KLHL2: variants seen among roughly 807,000 people sequenced by gnomAD.
KLHL2 encodes the protein kelch like family member 2.
Under a neutral mutation model 75.8 loss-of-function variants are expected in KLHL2, and 15 were observed. That is an observed-to-expected ratio of 0.20 (90% CI 0.13 to 0.30). KLHL2 has a LOEUF of 0.30. Ranked by LOEUF, KLHL2 falls within the 10% of genes least tolerant of loss-of-function variation. The pLI is 1.00. For missense variants in KLHL2, 381 were observed against 741.0 expected (o/e 0.51, Z 5.64); for synonymous variants, 214 against 251.9 (o/e 0.85, Z 1.42).
intron 5 of KLHL2, 137 bp from the exon 6 acceptor site, chr4:165,294,218 TGTTA>T (rs1744735583): frequency 3.5e-6 from 2 of 568,636 alleles, no homozygotes; most frequent in Non-Finnish European, 6.3e-6. Context: ...GGGTTTGTCT[TGTTA>T]GTTCTTGCCT....
At chr4:165,208,747 T>C (rs375554095) in intron 1 of KLHL2, among the ~76,000 whole-genome samples, 4 of 152,310 alleles carry the variant, frequency 2.6e-5, no homozygotes, top group Admixed American at 6.5e-5. Flanking sequence ...TGGTTCCCTC[T>C]TCTCTTAGGA....
At chr4:165,212,532 T>C (rs1028612430) in intron 1 of KLHL2, among the ~76,000 whole-genome samples, 17 of 152,236 alleles carry the variant, frequency 1.1e-4, no homozygotes, top group Admixed American at 2.0e-4. Context: ...AGTTCCATTC[T>C]CTGATTTTAC....
chr4:165,309,608 G>A (rs1745995822), intron 9 of KLHL2, among the ~76,000 whole-genome samples: 1 of 152,152 alleles, frequency 6.6e-6, no homozygotes, highest in Non-Finnish European at 1.5e-5. Flanking sequence ...ATGAATGAGT[G>A]TGGCAGTGTT....
chr4:165,208,915 C>G (rs1296107841), intron 1 of KLHL2, among the ~76,000 whole-genome samples: 1 of 152,158 alleles, frequency 6.6e-6, no homozygotes, highest in Non-Finnish European at 1.5e-5. Context: ...GCACCAGTCT[C>G]TTGTGGTTAT....
intron 4 of KLHL2, among the ~76,000 whole-genome samples, chr4:165,258,779 G>C (rs979203940): frequency 1.3e-5 from 2 of 152,160 alleles, no homozygotes; most frequent in African/African-American, 4.8e-5. Flanking sequence ...GATAGCTCCA[G>C]ATTAAAGCAC....
intron 5 of KLHL2, among the ~76,000 whole-genome samples, chr4:165,286,256 G>C (rs1744085112): frequency 1.3e-5 from 2 of 152,120 alleles, no homozygotes; most frequent in South Asian, 4.1e-4. Flanking sequence ...TGGTTTCATG[G>C]TGTATGGGTG....
chr4:165,239,264 C>CTTTTTTTTTTTTTTTTTGT (rs1739614268), intron 4 of KLHL2, among the ~76,000 whole-genome samples: 1 of 134,852 alleles, frequency 7.4e-6, no homozygotes, highest in Non-Finnish European at 1.6e-5. Context: ...TTATTTCTGT[C>CTTTTTTTTTTTTTTTTTGT]TTTTTTTTTT....
At chr4:165,293,233 G>A (rs1195645933) in intron 5 of KLHL2, among the ~76,000 whole-genome samples, 1 of 152,130 alleles carries the variant, frequency 6.6e-6, no homozygotes, top group Non-Finnish European at 1.5e-5. Flanking sequence ...TCCCCCCTTG[G>A]ATGGAGGACG....
chr4:165,310,614 T>A lies in KLHL2; in HGVS notation c.1101T>A (p.Val367=). 1 of 1,614,146 alleles carries A rather than the reference T, an allele frequency of 6.2e-7. No individual in the cohort carries two copies. The highest frequency in any genetic ancestry group is 2.2e-5 in the East Asian group (1 of 44,880). Residue 367 remains valine, a synonymous_variant, in exon 10 of 15, where the codon GTT becomes GTA. Transcript: ENST00000226725. ...GTGGCTTTAATGGCTCATTAAGAGT[T>A]CGCACTGTAGATTCCTACGACCCTG... ...AVGGFNGSLR[V]RTVDSYDPVK...
At chr4:165,251,180 T>A (rs1486881750) in intron 4 of KLHL2, among the ~76,000 whole-genome samples, 1 of 151,818 alleles carries the variant, frequency 6.6e-6, no homozygotes, top group Non-Finnish European at 1.5e-5. Flanking sequence ...GGATTAGTGG[T>A]TGTTTATGAT....
chr4:165,209,627 A>G (rs1325247503), intron 1 of KLHL2, among the ~76,000 whole-genome samples: 3 of 152,320 alleles, frequency 2.0e-5, no homozygotes, highest in African/African-American at 4.8e-5. Flanking sequence ...GACCAGCGCC[A>G]TTTTTGGCAT....
intron 13 of KLHL2, among the ~76,000 whole-genome samples, chr4:165,317,002 GTCATCTTTTTT>G (rs1345509019): frequency 6.6e-6 from 1 of 151,958 alleles, no homozygotes; most frequent in African/African-American, 2.4e-5. Context: ...AAGGTTGGAG[GTCATCTTTTTT>G]TCTTATAATA....
intron 5 of KLHL2, among the ~76,000 whole-genome samples, chr4:165,269,211 A>G (rs1191321671): frequency 6.6e-6 from 1 of 151,888 alleles, no homozygotes; most frequent in African/African-American, 2.4e-5. Flanking sequence ...GTGTCTTTGC[A>G]TGTGAGATGG....
intron 5 of KLHL2, among the ~76,000 whole-genome samples, chr4:165,291,608 G>A (rs1744511274): frequency 6.6e-6 from 1 of 152,128 alleles, no homozygotes; most frequent in Non-Finnish European, 1.5e-5. Context: ...AATTGGCTTT[G>A]CTTCTTTGTC....
At chr4:165,290,115 T>G (rs1313317659) in intron 5 of KLHL2, among the ~76,000 whole-genome samples, 3 of 152,174 alleles carry the variant, frequency 2.0e-5, no homozygotes, top group Non-Finnish European at 4.4e-5. Flanking sequence ...TTCATTAAAA[T>G]GAATTTATTT....
Position 165,241,102 on chromosome 4 carries a change from A to G in KLHL2, c.381+2203A>G, listed in dbSNP as rs189836750. ...GGCTTATTAAATGCTTAACATTTGT[A>G]TAGTTTTGTTTTGTTTTAAGTTTTT... On this transcript the variant is annotated intron_variant, in intron 4 of 14. Transcript: ENST00000226725. 6.2e-4 allele frequency among the ~76,000 whole-genome samples: 95 copies of G among 152,324 alleles called. 1 individual carries two copies. Among genetic ancestry groups the G allele is most frequent in the African/African-American group, 1.8e-3 (75 of 41,568 alleles).
intron 13 of KLHL2, among the ~76,000 whole-genome samples, chr4:165,317,304 A>G (rs1746657040): frequency 6.6e-6 from 1 of 151,966 alleles, no homozygotes; most frequent in African/African-American, 2.4e-5. Flanking sequence ...TAACTACTGC[A>G]TAAATGACAC....
intron 4 of KLHL2, among the ~76,000 whole-genome samples, chr4:165,259,823 A>G (rs1045732924): frequency 4.6e-4 from 70 of 152,184 alleles, no homozygotes; most frequent in Non-Finnish European, 1.0e-4. Context: ...ATTTGATTAT[A>G]TCCCTAGCTT....
At chr4:165,315,505 AGTTT>A (rs1004437586) in intron 13 of KLHL2, among the ~76,000 whole-genome samples, 26 of 152,194 alleles carry the variant, frequency 1.7e-4, no homozygotes, top group African/African-American at 6.0e-4. Flanking sequence ...CTTACTTTTC[AGTTT>A]GTTTTTCCTT....
Sources: allele counts gnomAD v4.1 joint callset (sites outside exome capture counted in the v4.1 genomes callset), GRCh38; gene constraint gnomAD v4.1.1; transcripts MANE v1.5; gene names NCBI Gene and HGNC (gene_info 2026-07-23, HGNC 2026-07-21).